AGXT2: variants seen among roughly 807,000 people sequenced by gnomAD.
AGXT2 encodes the protein alanine--glyoxylate aminotransferase 2, also known as alanine--glyoxylate aminotransferase 2, mitochondrial.
A neutral mutation model predicts 62.5 loss-of-function variants in AGXT2; 61 were observed. That is an observed-to-expected ratio of 0.98 (90% CI 0.79 to 1.21). AGXT2 has a LOEUF of 1.21. Ranked by LOEUF, AGXT2 falls within the 50% of genes most tolerant of loss-of-function variation. The probability of loss-of-function intolerance (pLI) is 0.00; values close to 1 mark genes in which losing one functional copy is unlikely to be tolerated. For missense variants in AGXT2, 666 were observed against 641.5 expected (o/e 1.04, Z -0.41); for synonymous variants, 243 against 218.7 (o/e 1.11, Z -0.98).
At chr5:35,005,984 T>C (rs1766406137) in intron 12 of AGXT2, among the ~76,000 whole-genome samples, 1 of 152,216 alleles carries the variant, frequency 6.6e-6, no homozygotes, top group Admixed American at 6.5e-5. Flanking sequence ...GTGAAACAGA[T>C]ACTTTTTCTA....
chr5:35,037,491 C>T (rs1176398219), intron 3 of AGXT2, among the ~76,000 whole-genome samples: 1 of 152,094 alleles, frequency 6.6e-6, no homozygotes, highest in Non-Finnish European at 1.5e-5. Flanking sequence ...TATGCCAGAT[C>T]AGTAGTTCTT....
intron 1 of AGXT2, among the ~76,000 whole-genome samples, chr5:35,041,223 C>CGAAAAAAAAAA (rs70973023): frequency 0.052 from 2,650 of 51,292 alleles, 355 homozygotes; most frequent in Middle Eastern, 0.12. Context: ...CTCCCCCCGC[C>CGAAAAAAAAAA]AAAAAAAAAA....
At position 35,020,910 on chromosome 5, in the gene AGXT2, G is replaced by A. The variant is rs537501634; in HGVS notation, c.963+4853C>T. 3.9e-5 allele frequency among the ~76,000 whole-genome samples: 6 copies of A among 152,202 alleles called. No homozygotes were observed. In the South Asian group the frequency reaches 1.0e-3, roughly 26 times the overall value. ...CAAAATCAATGTACAAAAATCACAA[G>A]CATTCTTATACACCAATAACAGACA... On this transcript the variant is annotated intron_variant, in intron 9 of 13. Transcript: ENST00000231420.
At chr5:35,039,159 G>A (rs1225171335) in intron 3 of AGXT2, among the ~76,000 whole-genome samples, 165 bp downstream of exon 3, 1 of 152,134 alleles carries the variant, frequency 6.6e-6, no homozygotes, top group East Asian at 1.9e-4. Context: ...AAAAGTAAGG[G>A]TGTCAAGATT....
Position 35,039,374 on chromosome 5 carries a change from G to T in AGXT2, c.312C>A (p.Tyr104Ter). 1 of 1,614,146 alleles carries T rather than the reference G, an allele frequency of 6.2e-7. No individual in the cohort carries two copies. Residue 104 changes from tyrosine to a stop codon, truncating the protein, a stop_gained, in exon 3 of 14, where the codon TAC becomes TAA. Coordinates refer to ENST00000231420, the MANE Select transcript of AGXT2 (RefSeq NM_031900.4). LOFTEE classifies it high-confidence loss of function. ...TAACAATCCCGGAAAAGAAATCCAG[G>T]TATCTGCTTCCTTCAGCATCAAAGA... ...EWLFDAEGSR[Y>*]LDFFSGIVTV...
intron 13 of AGXT2, among the ~76,000 whole-genome samples, chr5:35,002,775 C>CT (rs1554032848): frequency 6.4e-4 from 54 of 83,896 alleles, no homozygotes; most frequent in Admixed American, 2.1e-3. Flanking sequence ...TGATAGCAGG[C>CT]TGGGGGGGGG....
chr5:34,998,875 A>G lies in AGXT2; in HGVS notation c.1438-49T>C, dbSNP rs1390393224. ...AAAACAAATCATCAGAGAATCAAAT[A>G]TGACTTTGAGGAAATGCACTAAACT... On this transcript the variant is annotated intron_variant, in intron 13 of 13. Coordinates refer to ENST00000231420, the MANE Select transcript of AGXT2 (RefSeq NM_031900.4). 3.7e-6 allele frequency: 5 copies of G among 1,363,814 alleles called. No individual in the cohort carries two copies. The Admixed American group carries it at 8.4e-5, about 23-fold the overall frequency. The allele number at this position is 1,363,814 out of a possible 1,614,324, so 84.5% of individuals were successfully genotyped here.
At chr5:35,036,780 A>T (rs1767781153) in intron 4 of AGXT2, among the ~76,000 whole-genome samples, 162 bp downstream of exon 4, 1 of 152,204 alleles carries the variant, frequency 6.6e-6, no homozygotes, top group Non-Finnish European at 1.5e-5. Context: ...CTATCAGATC[A>T]CCACTACAGA....
chr5:35,026,635 C>T (rs1767365099), intron 7 of AGXT2, 125 bp from the exon 8 acceptor site: 2 of 1,003,558 alleles, frequency 2.0e-6, no homozygotes, highest in South Asian at 1.5e-5. Flanking sequence ...TAATCAGGGA[C>T]TTCAGAATAC....
At chr5:35,047,246 T>A (rs2112309814) in intron 1 of AGXT2, among the ~76,000 whole-genome samples, 1 of 152,244 alleles carries the variant, frequency 6.6e-6, no homozygotes, top group Middle Eastern at 3.4e-3. Context: ...CGAGACCAAC[T>A]TGAGCAACAT....
rs576759466 is a variant in AGXT2 at position 35,036,702 on chromosome 5, G to A, written c.486+240C>T. 2.0e-5 allele frequency among the ~76,000 whole-genome samples: 3 copies of A among 152,224 alleles called. No homozygotes were observed. In the South Asian group the frequency reaches 6.2e-4, roughly 32 times the overall value. ...GGCAGAGGCTCAGAGGTGACACAAG[G>A]GAACATTGGTTTGTTTCGCCAGCAA... On this transcript the variant is annotated intron_variant, in intron 4 of 13. Transcript: ENST00000231420.
chr5:35,036,344 G>A (rs1767769692), intron 4 of AGXT2, among the ~76,000 whole-genome samples: 1 of 152,112 alleles, frequency 6.6e-6, no homozygotes, highest in Non-Finnish European at 1.5e-5. Flanking sequence ...ATTGTTCTAG[G>A]TTCTTCACAT....
intron 12 of AGXT2, among the ~76,000 whole-genome samples, chr5:35,007,014 G>A (rs912300187): frequency 2.6e-5 from 4 of 152,170 alleles, no homozygotes; most frequent in African/African-American, 9.7e-5. Flanking sequence ...GAATGTTTGT[G>A]TCCCTCAAAA....
rs752043415 is a variant in AGXT2 at position 35,026,458 on chromosome 5, G to A, written c.822C>T (p.Ser274=). 4.3e-6 allele frequency: 7 copies of A among 1,613,998 alleles called. No individual in the cohort carries two copies. Among genetic ancestry groups the A allele is most frequent in the Middle Eastern group, 1.6e-4 (1 of 6,084 alleles). ...CAGCAATTGACTTGGCCACAGATGT[G>A]CTCAGCGTATCTTTGAATTGCTCAA... ...QYIEQFKDTL[S]TSVAKSIAGF... is the part of the protein sequence containing the mutation. Residue 274 remains serine, a synonymous_variant, in exon 8 of 14, where the codon AGC becomes AGT. Coordinates refer to ENST00000231420, the MANE Select transcript of AGXT2 (RefSeq NM_031900.4).
intron 9 of AGXT2, among the ~76,000 whole-genome samples, chr5:35,022,757 A>AT (rs1479899293): frequency 6.6e-6 from 1 of 151,346 alleles, no homozygotes; most frequent in Non-Finnish European, 1.5e-5. Flanking sequence ...TAAAAAAAAA[A>AT]AAAAAGGAAA....
At chr5:35,022,079 T>A (rs1395296056) in intron 9 of AGXT2, among the ~76,000 whole-genome samples, 4 of 151,984 alleles carry the variant, frequency 2.6e-5, no homozygotes, top group Admixed American at 1.3e-4. Context: ...AAACAACAGG[T>A]GCTGGAGAGG....
intron 11 of AGXT2, among the ~76,000 whole-genome samples, chr5:35,011,948 ACACACACACG>A (rs1446483688): frequency 2.7e-5 from 4 of 149,926 alleles, no homozygotes; most frequent in Non-Finnish European, 6.0e-5. Flanking sequence ...ACACACACAC[ACACACACACG>A]CCATGGAATA....
intron 11 of AGXT2, among the ~76,000 whole-genome samples, chr5:35,011,129 C>T (rs1051258021): frequency 6.6e-6 from 1 of 152,318 alleles, no homozygotes; most frequent in African/African-American, 2.4e-5. Context: ...TTCACCTAAA[C>T]CTTCTTGCCT....
At chr5:35,033,004 C>A (rs1561229697) in intron 6 of AGXT2, 179 bp from the exon 7 acceptor site, 2 of 633,266 alleles carry the variant, frequency 3.2e-6, no homozygotes, top group Admixed American at 2.2e-5. Flanking sequence ...TAGAAATCAG[C>A]TATGTGGGCC....
Sources: allele counts gnomAD v4.1 joint callset (sites outside exome capture counted in the v4.1 genomes callset), GRCh38; gene constraint gnomAD v4.1.1; transcripts MANE v1.5; gene names NCBI Gene and HGNC (gene_info 2026-07-23, HGNC 2026-07-21).